Variants in CPQ observed in about 807,000 individuals in gnomAD.
CPQ encodes the protein carboxypeptidase Q.
CPQ carries 37 observed loss-of-function variants against 45.7 expected under a neutral mutation model. The observed-to-expected ratio is 0.81, with a 90% CI of 0.62 to 1.07. CPQ has a LOEUF of 1.07. CPQ is among the 50% of genes least tolerant of loss of function. The pLI, the probability that CPQ is intolerant of heterozygous loss-of-function variation, is 0.00. For missense variants in CPQ, 537 were observed against 572.9 expected (o/e 0.94, Z 0.64); for synonymous variants, 186 against 205.8 (o/e 0.90, Z 0.82).
intron 5 of CPQ, among the ~76,000 whole-genome samples, chr8:97,015,891 A>ATTGT (rs984857190): frequency 6.6e-6 from 1 of 152,136 alleles, no homozygotes; most frequent in Admixed American, 6.5e-5. Context: ...GAAAACTACT[A>ATTGT]TTGTTTACAT....
chr8:97,060,913 G>A (rs1264246355), intron 6 of CPQ, among the ~76,000 whole-genome samples: 3 of 152,226 alleles, frequency 2.0e-5, no homozygotes, highest in East Asian at 3.9e-4. Context: ...CAGTTTCTTT[G>A]TGCAGAGACA....
intron 7 of CPQ, among the ~76,000 whole-genome samples, chr8:97,101,502 ACT>A (rs886323801): frequency 1.1e-4 from 16 of 148,212 alleles, no homozygotes; most frequent in Admixed American, 2.7e-4. Context: ...CTCCTTAGAG[ACT>A]CTGAGTCTAA....
intron 3 of CPQ, among the ~76,000 whole-genome samples, chr8:96,847,729 A>G (rs1304258089): frequency 6.6e-6 from 1 of 152,140 alleles, no homozygotes; most frequent in Non-Finnish European, 1.5e-5. Flanking sequence ...ATATGCAAAT[A>G]AAGATCCTTC....
chr8:96,737,210 G>A (rs540290951), intron 1 of CPQ, among the ~76,000 whole-genome samples: 2 of 145,928 alleles, frequency 1.4e-5, no homozygotes, highest in East Asian at 4.0e-4. Flanking sequence ...GGTTCTCTTA[G>A]AGGGACAGAA....
At chr8:97,003,793 A>G (rs1353427616) in intron 5 of CPQ, among the ~76,000 whole-genome samples, 1 of 152,160 alleles carries the variant, frequency 6.6e-6, no homozygotes, top group Non-Finnish European at 1.5e-5. Flanking sequence ...TGCTTGTGGT[A>G]GGTGAGGCAG....
chr8:96,807,898 C>T (rs945297839), intron 2 of CPQ, among the ~76,000 whole-genome samples: 2 of 152,170 alleles, frequency 1.3e-5, no homozygotes. Flanking sequence ...TTTCCCACTT[C>T]AGTTTGTCAA....
At chr8:96,827,150 C>T (rs988484087) in intron 2 of CPQ, among the ~76,000 whole-genome samples, 3 of 152,020 alleles carry the variant, frequency 2.0e-5, no homozygotes. Context: ...ACTGAGATAT[C>T]GCAGTTTACA....
chr8:96,949,497 G>A (rs965071296), intron 4 of CPQ, among the ~76,000 whole-genome samples: 1 of 151,892 alleles, frequency 6.6e-6, no homozygotes, highest in African/African-American at 2.4e-5. Context: ...TGTTCTATCA[G>A]CCACCCTTGC....
intron 4 of CPQ, among the ~76,000 whole-genome samples, chr8:96,900,036 T>C (rs1812495447): frequency 6.6e-6 from 1 of 152,200 alleles, no homozygotes; most frequent in South Asian, 2.1e-4. Context: ...GTACCTTTTC[T>C]TTCTGACTAA....
chr8:96,705,381 T>C (rs1048481795), intron 1 of CPQ, among the ~76,000 whole-genome samples: 1 of 152,192 alleles, frequency 6.6e-6, no homozygotes, highest in Non-Finnish European at 1.5e-5. Context: ...AGAGCTTTCT[T>C]AGGAAAGATG....
intron 5 of CPQ, among the ~76,000 whole-genome samples, chr8:96,997,492 T>A (rs1483311313): frequency 6.6e-6 from 1 of 152,014 alleles, no homozygotes; most frequent in Non-Finnish European, 1.5e-5. Flanking sequence ...TTCATAAATG[T>A]ATTTAAAGCC....
intron 1 of CPQ, among the ~76,000 whole-genome samples, chr8:96,693,735 G>T (rs999229395): frequency 1.3e-5 from 2 of 152,158 alleles, no homozygotes; most frequent in Non-Finnish European, 2.9e-5. Context: ...CAATCAGAAA[G>T]AAAAGGATGT....
intron 4 of CPQ, among the ~76,000 whole-genome samples, chr8:96,924,421 T>C (rs1812846449): frequency 6.6e-6 from 1 of 152,134 alleles, no homozygotes. Flanking sequence ...ACAAGAAAAA[T>C]ATTGTAACCC....
At chr8:96,784,356 G>C (rs1188870279) in intron 1 of CPQ, among the ~76,000 whole-genome samples, 1 of 148,404 alleles carries the variant, frequency 6.7e-6, no homozygotes, top group Non-Finnish European at 1.5e-5. Flanking sequence ...TAAGCATAAA[G>C]TACTTTTCAA....
At chr8:96,869,052 T>A (rs1156883329) in intron 3 of CPQ, among the ~76,000 whole-genome samples, 1 of 152,054 alleles carries the variant, frequency 6.6e-6, no homozygotes, top group Non-Finnish European at 1.5e-5. Context: ...GTGCCATTGA[T>A]ATAAACATTT....
chr8:96,933,350 T>C (rs1007896291), intron 4 of CPQ, among the ~76,000 whole-genome samples: 2 of 152,202 alleles, frequency 1.3e-5, no homozygotes, highest in Non-Finnish European at 2.9e-5. Context: ...TGTGTGGAAC[T>C]GGATGCTCCC....
chr8:96,945,575 T>C (rs1181396530), intron 4 of CPQ, among the ~76,000 whole-genome samples: 2 of 152,170 alleles, frequency 1.3e-5, no homozygotes, highest in African/African-American at 4.8e-5. Flanking sequence ...TTTTTTCTTT[T>C]TTCCCAAGAT....
chr8:97,067,109 C>T (rs2513398), intron 7 of CPQ, among the ~76,000 whole-genome samples: 91,634 of 151,144 alleles, frequency 0.61, 28,700 homozygotes, highest in Non-Finnish European at 0.7. Context: ...GTATTTTTTA[C>T]AGAGACAGAG....
At chr8:96,654,425 T>C (rs533662615) in intron 1 of CPQ, among the ~76,000 whole-genome samples, 8 of 152,334 alleles carry the variant, frequency 5.3e-5, no homozygotes, top group African/African-American at 1.9e-4. Context: ...GTGTCTTCAA[T>C]GGGGTAATCC....
Sources: allele counts gnomAD v4.1 joint callset (sites outside exome capture counted in the v4.1 genomes callset), GRCh38; gene constraint gnomAD v4.1.1; transcripts MANE v1.5; gene names NCBI Gene and HGNC (gene_info 2026-07-23, HGNC 2026-07-21).